LRRTM3: variants seen among roughly 807,000 people sequenced by gnomAD.
The protein encoded by LRRTM3 is leucine rich repeat transmembrane neuronal 3.
LRRTM3 carries 24 observed loss-of-function variants against 44.7 expected under a neutral mutation model. The ratio of observed to expected loss-of-function variants is 0.54; its 90% confidence interval spans 0.39 to 0.76. The LOEUF is 0.76. LRRTM3 is among the 30% of genes least tolerant of loss of function. LRRTM3 has a pLI of 0.00. For synonymous variants in LRRTM3, 277 were observed against 278.7 expected (o/e 0.99, Z 0.06); for missense variants, 587 against 702.2 (o/e 0.84, Z 1.85).
chr10:66,952,944 T>C (rs1054482629), intron 2 of LRRTM3, among the ~76,000 whole-genome samples: 2 of 152,086 alleles, frequency 1.3e-5, no homozygotes, highest in African/African-American at 4.8e-5. Context: ...CAAGGTATCC[T>C]TTGAAATACT....
chr10:66,994,306 T>C (rs1443469171), intron 2 of LRRTM3, among the ~76,000 whole-genome samples: 4 of 152,198 alleles, frequency 2.6e-5, no homozygotes, highest in Admixed American at 6.5e-5. Flanking sequence ...AAAAATGGGT[T>C]TGCCTGGCCT....
rs75362934 is a variant in LRRTM3, at chr10:67,029,614, G to A, written c.1537-67973G>A. Among the ~76,000 whole-genome samples the A allele has an allele frequency of 0.01, 1,544 of 152,286 alleles. 63 individuals carry two copies. The East Asian group carries it at 0.14, about 14-fold the overall frequency. ...TAAAACTTACGTAGGTTACAAAAGA[G>A]AGGTTTGGGATGGCTTTTTCTCATT... On this transcript the variant is annotated intron_variant, in intron 2 of 2. Coordinates refer to ENST00000361320, the MANE Select transcript of LRRTM3 (RefSeq NM_178011.5).
rs114856872 is a variant in LRRTM3, at chr10:67,092,303, T to C, written c.1537-5284T>C. Among the ~76,000 whole-genome samples, 590 of 152,010 alleles carry C rather than the reference T, an allele frequency of 3.9e-3. 5 individuals carry two copies. The highest frequency in any genetic ancestry group is 0.014 in the African/African-American group (566 of 41,506). ...AGAGCATGAGAATTCTCTCAATGAG[T>C]AGAGATATTTATACATACTAAAATC... is the stretch of plus-strand genomic sequence containing the variant. On this transcript the variant is annotated intron_variant, in intron 2 of 2. Transcript: ENST00000361320.
intron 2 of LRRTM3, among the ~76,000 whole-genome samples, chr10:67,008,618 T>C (rs1185166834): frequency 5.3e-5 from 8 of 152,148 alleles, no homozygotes; most frequent in East Asian, 1.9e-4. Context: ...TTGAAGGGGA[T>C]TGATGGTCTA....
intron 2 of LRRTM3, among the ~76,000 whole-genome samples, chr10:67,071,166 G>T (rs1335177969): frequency 6.6e-6 from 1 of 151,996 alleles, no homozygotes; most frequent in African/African-American, 2.4e-5. Context: ...ACATTCATTT[G>T]TATAAAATGC....
chr10:67,027,601 A>C (rs570495620), intron 2 of LRRTM3, among the ~76,000 whole-genome samples: 1 of 151,696 alleles, frequency 6.6e-6, no homozygotes, highest in African/African-American at 2.4e-5. Flanking sequence ...TGCCCAGCTA[A>C]CTTTTTTGTA....
chr10:66,961,944 C>T (rs1183358516), intron 2 of LRRTM3, among the ~76,000 whole-genome samples: 1 of 152,130 alleles, frequency 6.6e-6, no homozygotes, highest in Non-Finnish European at 1.5e-5. Context: ...CCACTTCCAA[C>T]TCATCACTAA....
In LRRTM3 at chr10:67,086,361, T is replaced by C. The variant is rs184050441; in HGVS notation, c.1537-11226T>C. On this transcript the variant is annotated intron_variant, in intron 2 of 2. Transcript: ENST00000361320. ...TTAGTTGGGACAGAATATCACTTCA[T>C]TTAGTTGGGAGATAATCTCAACCAA... is the stretch of plus-strand genomic sequence containing the variant. Among the ~76,000 whole-genome samples, 43 of 152,150 alleles carry C rather than the reference T, an allele frequency of 2.8e-4. 1 individual carries two copies. Among genetic ancestry groups the C allele is most frequent in the Admixed American group, 9.2e-4 (14 of 15,254 alleles).
In LRRTM3 at chr10:66,966,825, A is replaced by G. The variant is rs552963457; in HGVS notation, c.1536+38373A>G. Reference sequence around the variant, plus strand: ...TGAATCAGTGTGCTCTCACATCTCCATATCTCTGTGTTACCCAACATAGAA... The same window carrying G: ...TGAATCAGTGTGCTCTCACATCTCCGTATCTCTGTGTTACCCAACATAGAA... On this transcript the variant is annotated intron_variant, in intron 2 of 2. Coordinates refer to ENST00000361320, the MANE Select transcript of LRRTM3 (RefSeq NM_178011.5). Among the ~76,000 whole-genome samples the G allele has an allele frequency of 6.6e-5, 10 of 152,218 alleles. No homozygotes were observed. In the South Asian group the frequency reaches 1.2e-3, roughly 19 times the overall value.
chr10:67,046,895 C>G (rs1204731396), intron 2 of LRRTM3, among the ~76,000 whole-genome samples: 1 of 152,060 alleles, frequency 6.6e-6, no homozygotes. Flanking sequence ...CACTGCCTTC[C>G]TTTTACATTG....
chr10:67,044,091 C>A (rs1284662004), intron 2 of LRRTM3, among the ~76,000 whole-genome samples: 1 of 151,906 alleles, frequency 6.6e-6, no homozygotes, highest in Non-Finnish European at 1.5e-5. Context: ...GCCCTTCCCT[C>A]CTCCCTCTTT....
intron 2 of LRRTM3, among the ~76,000 whole-genome samples, chr10:67,051,090 C>A (rs1487130398): frequency 1.3e-5 from 2 of 152,124 alleles, no homozygotes; most frequent in Non-Finnish European, 2.9e-5. Context: ...TACAAATTAA[C>A]CAATAAAATA....
intron 2 of LRRTM3, among the ~76,000 whole-genome samples, chr10:66,999,570 T>C (rs111835638): frequency 7.1e-4 from 108 of 151,834 alleles, no homozygotes; most frequent in Non-Finnish European, 1.3e-3. Flanking sequence ...ACAGCATGCA[T>C]CCCTTTTAGG....
At chr10:66,957,346 A>T (rs1020479767) in intron 2 of LRRTM3, among the ~76,000 whole-genome samples, 1 of 149,922 alleles carries the variant, frequency 6.7e-6, no homozygotes, top group African/African-American at 2.4e-5. Context: ...ACAAGTAAAA[A>T]ATACTTTAGA....
chr10:67,099,733 T>C lies in LRRTM3; in HGVS notation c.*1937T>C, dbSNP rs2131940093. The C allele has an allele frequency of 6.6e-6, 1 of 152,384 alleles. No homozygotes were observed. Among genetic ancestry groups the C allele is most frequent in the Admixed American group, 6.6e-5 (1 of 15,202 alleles). 9.4% of individuals were successfully genotyped at this position (152,384 alleles called of 1,614,324 possible). On this transcript the variant is annotated 3_prime_UTR_variant, in exon 3 of 3. Coordinates refer to ENST00000361320, the MANE Select transcript of LRRTM3 (RefSeq NM_178011.5). ...CAGTACTTGTGTCAACTATTTAGCATCCCAGATTTTGTAACATATTTTGCA... is the reference window on the plus strand; with the variant it reads ...CAGTACTTGTGTCAACTATTTAGCACCCCAGATTTTGTAACATATTTTGCA...
chr10:67,056,140 A>T (rs1855414925), intron 2 of LRRTM3, among the ~76,000 whole-genome samples: 1 of 152,180 alleles, frequency 6.6e-6, no homozygotes, highest in African/African-American at 2.4e-5. Flanking sequence ...TACAGCCTGA[A>T]ATACATACTG....
At chr10:66,945,282 C>G (rs1209743038) in intron 2 of LRRTM3, among the ~76,000 whole-genome samples, 1 of 152,198 alleles carries the variant, frequency 6.6e-6, no homozygotes, top group Non-Finnish European at 1.5e-5. Context: ...CTTGTTGCAG[C>G]TTTTACATCA....
At chr10:66,937,108 G>A (rs1200574291) in intron 2 of LRRTM3, among the ~76,000 whole-genome samples, 2 of 151,968 alleles carry the variant, frequency 1.3e-5, no homozygotes, top group East Asian at 1.9e-4. Flanking sequence ...TCAGTGAATC[G>A]CCATTATACA....
At chr10:66,929,012 TA>T (rs1467674839) in intron 2 of LRRTM3, among the ~76,000 whole-genome samples, 2 of 152,194 alleles carry the variant, frequency 1.3e-5, no homozygotes, top group Non-Finnish European at 2.9e-5. Context: ...GGTGCTAGGT[TA>T]AAGCAGCACC....
Sources: gnomAD v4.1 joint callset for allele counts (sites outside exome capture counted in the v4.1 genomes callset) on GRCh38, gnomAD v4.1.1 for gene constraint, MANE v1.5 for transcripts, NCBI Gene and HGNC (gene_info 2026-07-23, HGNC 2026-07-21) for gene names.